Variants in TSEN15 observed in about 807,000 individuals in gnomAD.
TSEN15 encodes tRNA-splicing endonuclease subunit Sen15.
TSEN15 carries 10 observed loss-of-function variants against 20.5 expected under a neutral mutation model. The ratio of observed to expected loss-of-function variants is 0.49; its 90% CI spans 0.30 to 0.83. The LOEUF (loss-of-function observed/expected upper bound fraction) is 0.83. Ranked by LOEUF, TSEN15 falls within the 40% of genes least tolerant of loss-of-function variation. The pLI, the probability that TSEN15 is intolerant of heterozygous loss-of-function variation, is 0.06. For synonymous variants in TSEN15, 72 were observed against 80.1 expected (o/e 0.90, Z 0.54); for missense variants, 180 against 218.6 (o/e 0.82, Z 1.11).
chr1:184,054,364 T>C lies in TSEN15; in HGVS notation c.146T>C (p.Met49Thr), dbSNP rs193298754. ...TATTTTAATTTTCAGTATCTAGAAATGATGGAATTAGATATAGGAGATGCC... is the reference window on the plus strand; with the variant it reads ...TATTTTAATTTTCAGTATCTAGAAACGATGGAATTAGATATAGGAGATGCC... ...WMGTHPKYLE[M>T]MELDIGDATQ... is the part of the protein sequence containing the mutation. The change falls in exon 2 of 5, where the codon ATG (methionine) becomes ACG (threonine). Residue 49 changes from methionine to threonine, a missense_variant. Physicochemically the swap from Met to Thr is moderately conservative, Grantham distance 81 (BLOSUM62 -1). Around this residue, in one of 3 missense-constraint regions of TSEN15, gnomAD observed 76 missense variants for 123.4 expected, o/e 0.62. Coordinates refer to ENST00000645668, the MANE Select transcript of TSEN15 (RefSeq NM_052965.4). 92 of 1,582,428 alleles carry C rather than the reference T, an allele frequency of 5.8e-5. No individual in the cohort carries two copies. Among genetic ancestry groups the C allele is most frequent in the Non-Finnish European group, 7.6e-5 (88 of 1,157,004 alleles).
chr1:184,054,395 A>G lies in TSEN15; in HGVS notation c.177A>G (p.Gln59=), dbSNP rs1046934. 6.2e-7 allele frequency: 1 copy of G among 1,603,458 alleles called. No homozygotes were observed. Among genetic ancestry groups the G allele is most frequent in the African/African-American group, 1.3e-5 (1 of 74,736 alleles). Residue 59 remains glutamine, a synonymous_variant, in exon 2 of 5, where the codon CAA becomes CAG. Transcript: ENST00000645668. ...AATTAGATATAGGAGATGCCACCCA[A>G]GTTTATGTAGCGTTCTTGGTTTACC... ...MMELDIGDAT[Q]VYVAFLVYLD... is the part of the protein sequence containing the mutation.
At chr1:184,081,092 T>C (rs1398083614) in intron 3 of TSEN15, among the ~76,000 whole-genome samples, 15 of 152,194 alleles carry the variant, frequency 9.9e-5, no homozygotes, top group African/African-American at 3.6e-4. Flanking sequence ...ATTTCTATAC[T>C]TACATCATTG....
At chr1:184,097,274 C>T (rs1651471271) in exon 4 of TSEN15, 1 of 152,106 alleles carries the variant, frequency 6.6e-6, no homozygotes, top group Admixed American at 6.5e-5. Flanking sequence ...TGTTTTTCCC[C>T]CAAGTTTTTC....
chr1:184,087,233 A>G (rs1485834150), intron 3 of TSEN15, among the ~76,000 whole-genome samples: 1 of 152,228 alleles, frequency 6.6e-6, no homozygotes, highest in African/African-American at 2.4e-5. Flanking sequence ...TTAGCTCTAT[A>G]TATGCAAATA....
At chr1:184,069,218 A>G (rs975804567) in intron 3 of TSEN15, among the ~76,000 whole-genome samples, 1 of 152,174 alleles carries the variant, frequency 6.6e-6, no homozygotes, top group African/African-American at 2.4e-5. Context: ...ACCTGTTGTG[A>G]GCATCAAATT....
intron 3 of TSEN15, among the ~76,000 whole-genome samples, chr1:184,089,532 G>A (rs1320796536): frequency 1.3e-5 from 2 of 152,066 alleles, no homozygotes; most frequent in East Asian, 1.9e-4. Context: ...AGAGACTATC[G>A]GAGATGGAGG....
In TSEN15 at chr1:184,074,055, C is replaced by T. The variant is rs2102897856; in HGVS notation, c.*1208C>T. The stretch of plus-strand genomic sequence containing the variant: ...GGAAAAGTGTATAAGTGGGTGTAAT[C>T]ATGGCTGAAATAACAGACCAAGCAT... On this transcript the variant is annotated 3_prime_UTR_variant, in exon 5 of 5. Coordinates refer to ENST00000645668, the MANE Select transcript of TSEN15 (RefSeq NM_052965.4). 6.6e-6 allele frequency: 1 copy of T among 152,210 alleles called. No individual in the cohort carries two copies. The highest frequency in any genetic ancestry group is 1.5e-5 in the Non-Finnish European group (1 of 67,990). The allele number at this position is 152,210 out of a possible 1,614,324, so 9.4% of individuals were successfully genotyped here.
Position 184,089,772 on chromosome 1 carries a change from G to A in TSEN15, c.354-5918G>A, listed in dbSNP as rs149236399. On this transcript the variant is annotated intron_variant, in intron 3 of 3. Coordinates refer to the TSEN15 transcript ENST00000643231. ...AAGGAAGTAGGTGAGGGAGAAAATAGGAGGAAAATGTATGGAATTCAATGG... is the reference window on the plus strand; with the variant it reads ...AAGGAAGTAGGTGAGGGAGAAAATAAGAGGAAAATGTATGGAATTCAATGG... Among the ~76,000 whole-genome samples the A allele has an allele frequency of 8.4e-3, 1,272 of 152,132 alleles. 26 individuals carry two copies. Among genetic ancestry groups the A allele is most frequent in the African/African-American group, 0.029 (1,212 of 41,476 alleles).
At position 184,055,246 on chromosome 1, in the gene TSEN15, G is replaced by C. The variant is rs538140148; in HGVS notation, c.353+383G>C. Among the ~76,000 whole-genome samples the C allele has an allele frequency of 2.0e-5, 3 of 152,086 alleles. No individual in the cohort carries two copies. The East Asian group carries it at 5.9e-4, about 30-fold the overall frequency. On this transcript the variant is annotated intron_variant, in intron 3 of 4. Coordinates refer to ENST00000645668, the MANE Select transcript of TSEN15 (RefSeq NM_052965.4). Reference sequence around the variant, plus strand: ...AAGCAGGAGTGAGAGAGAGTGTTGAGGGGGAGGTTCCACACACTTTTAAAT... The same window carrying C: ...AAGCAGGAGTGAGAGAGAGTGTTGACGGGGAGGTTCCACACACTTTTAAAT...
chr1:184,054,356 T>C lies in TSEN15; in HGVS notation c.138T>C (p.Tyr46=), dbSNP rs371077743. The C allele has an allele frequency of 1.1e-5, 18 of 1,569,230 alleles. No homozygotes were observed. The East Asian group carries it at 1.8e-4, about 16-fold the overall frequency. ...EDAWMGTHPK[Y]LEMMELDIGD... ...GACAATTATATTTTAATTTTCAGTA[T>C]CTAGAAATGATGGAATTAGATATAG... The change falls in exon 2 of 5, where the codon TAT becomes TAC. Residue 46 remains tyrosine, a splice_region_variant and synonymous_variant. Coordinates refer to ENST00000645668, the MANE Select transcript of TSEN15 (RefSeq NM_052965.4).
rs1650585161 is a variant in TSEN15, at chr1:184,064,735, C to T, written c.354-7422C>T. ...AGTCAGAATATTAGGAATTGTAATG[C>T]TTGTTTCTGTTTTCTGTAATGGATA... On this transcript the variant is annotated intron_variant, in intron 3 of 4. Transcript: ENST00000645668. 2.0e-5 allele frequency among the ~76,000 whole-genome samples: 3 copies of T among 152,038 alleles called. No individual in the cohort carries two copies. The South Asian group carries it at 6.2e-4, about 32-fold the overall frequency.
intron 3 of TSEN15, chr1:184,095,198 C>T (rs1317403792): frequency 5.0e-6 from 2 of 397,698 alleles, no homozygotes; most frequent in African/African-American, 4.1e-5. Flanking sequence ...CTCTAGTCTC[C>T]ACCTGCCAGT....
At chr1:184,091,835 G>T (rs1430150058) in intron 3 of TSEN15, among the ~76,000 whole-genome samples, 1 of 152,130 alleles carries the variant, frequency 6.6e-6, no homozygotes, top group Non-Finnish European at 1.5e-5. Flanking sequence ...ACTTATTTTG[G>T]GTTAGGTCCC....
chr1:184,095,390 C>T (rs1651430278), intron 3 of TSEN15: 1 of 380,490 alleles, frequency 2.6e-6, no homozygotes, highest in Non-Finnish European at 4.6e-6. Context: ...ATGCCCCTGG[C>T]TTCCCACACT....
chr1:184,067,883 A>G (rs1650727883), intron 3 of TSEN15, among the ~76,000 whole-genome samples: 1 of 141,638 alleles, frequency 7.1e-6, no homozygotes, highest in Non-Finnish European at 1.5e-5. Flanking sequence ...AGGTCACACC[A>G]CTGTGCTCCA....
At chr1:184,056,754 A>C (rs185740416) in intron 3 of TSEN15, among the ~76,000 whole-genome samples, 153 of 152,226 alleles carry the variant, frequency 1.0e-3, no homozygotes, top group Middle Eastern at 3.4e-3. Flanking sequence ...TTTCCTCACT[A>C]TCTGACATAT....
intron 3 of TSEN15, among the ~76,000 whole-genome samples, chr1:184,063,613 GTTA>G (rs1181007292): frequency 6.6e-6 from 1 of 151,986 alleles, no homozygotes; most frequent in Non-Finnish European, 1.5e-5. Flanking sequence ...ATGAATTTTA[GTTA>G]TTTTTTCTTT....
chr1:184,058,729 T>C (rs1557879248), intron 3 of TSEN15, among the ~76,000 whole-genome samples: 1 of 152,108 alleles, frequency 6.6e-6, no homozygotes, highest in Non-Finnish European at 1.5e-5. Context: ...CTAAAAGTAT[T>C]TGGTGGGAAG....
At chr1:184,072,355 AT>A in intron 4 of TSEN15, 57 bp downstream of exon 4, 1 of 1,509,312 alleles carries the variant, frequency 6.6e-7, no homozygotes, top group Non-Finnish European at 8.9e-7. Context: ...TTATGACGTG[AT>A]TTTAAGTGTG....
Sources: gnomAD v4.1 joint callset for allele counts (sites outside exome capture counted in the v4.1 genomes callset) on GRCh38, gnomAD v4.1.1 for gene constraint, gnomAD v4.1.1 regional missense constraint, MANE v1.5 for transcripts, NCBI Gene and HGNC (gene_info 2026-07-23, HGNC 2026-07-21) for gene names.